Variants in PDLIM5 observed in about 807,000 individuals in gnomAD.
PDLIM5 encodes the protein PDZ and LIM domain 5, also known as PDZ and LIM domain protein 5.
In PDLIM5, 34 loss-of-function variants were observed where a neutral mutation model predicts 64.2. That is an observed-to-expected ratio of 0.53 (90% CI 0.40 to 0.71). The LOEUF is 0.71. Among genes scored for constraint, PDLIM5 ranks in the 30% least tolerant of loss-of-function variants. PDLIM5 has a pLI of 0.00. For synonymous variants in PDLIM5, 253 were observed against 269.1 expected (o/e 0.94, Z 0.59); for missense variants, 683 against 733.6 (o/e 0.93, Z 0.80).
chr4:94,480,890 A>G (rs997103786), intron 2 of PDLIM5, among the ~76,000 whole-genome samples: 1 of 152,218 alleles, frequency 6.6e-6, no homozygotes, highest in African/African-American at 2.4e-5. Context: ...TAGTCCTTTT[A>G]TATTTTAAAC....
At chr4:94,473,526 C>T (rs1023935866) in intron 2 of PDLIM5, among the ~76,000 whole-genome samples, 2 of 152,216 alleles carry the variant, frequency 1.3e-5, no homozygotes, top group Non-Finnish European at 2.9e-5. Context: ...TCCCACAGTG[C>T]TGGGATTACA....
At chr4:94,532,408 C>T (rs1380278321) in intron 3 of PDLIM5, among the ~76,000 whole-genome samples, 1 of 152,146 alleles carries the variant, frequency 6.6e-6, no homozygotes, top group Non-Finnish European at 1.5e-5. Flanking sequence ...CAAAGGCAGC[C>T]GCCTAAGCTT....
chr4:94,461,079 C>T (rs1274027953), intron 2 of PDLIM5, among the ~76,000 whole-genome samples: 1 of 152,174 alleles, frequency 6.6e-6, no homozygotes, highest in Non-Finnish European at 1.5e-5. Flanking sequence ...CCAGTTATAT[C>T]TTTTTCCCCC....
chr4:94,477,782 C>A (rs1387350899), intron 2 of PDLIM5, among the ~76,000 whole-genome samples: 2 of 152,096 alleles, frequency 1.3e-5, no homozygotes, highest in Non-Finnish European at 2.9e-5. Context: ...CCTCCTCCAC[C>A]TCTTTTGCCT....
At position 94,665,740 on chromosome 4, in the gene PDLIM5, T is replaced by A; in HGVS notation, c.*1673T>A. On this transcript the variant is annotated 3_prime_UTR_variant, in exon 13 of 13. Transcript: ENST00000317968. The stretch of plus-strand genomic sequence containing the variant: ...TTAAAAGATTGGTTTGAGGATGTGA[T>A]GAAATTGAGACTTTTTGTGGTTTTC... 1 of 1,219,374 alleles carries A rather than the reference T, an allele frequency of 8.2e-7. No homozygotes were observed. The highest frequency in any genetic ancestry group is 1.0e-6 in the Non-Finnish European group (1 of 978,848). The allele number at this position is 1,219,374 out of a possible 1,614,324, so 75.5% of individuals were successfully genotyped here. A position where few individuals can be genotyped will look rare whatever the true frequency, so the allele number is the denominator to read the frequency against.
At chr4:94,562,397 A>G (rs1204452485) in intron 3 of PDLIM5, among the ~76,000 whole-genome samples, 3 of 152,246 alleles carry the variant, frequency 2.0e-5, no homozygotes, top group African/African-American at 7.2e-5. Context: ...AGATAATGAT[A>G]CAAAATGTAT....
intron 3 of PDLIM5, among the ~76,000 whole-genome samples, chr4:94,528,560 G>C (rs568009641): frequency 3.9e-5 from 6 of 152,086 alleles, no homozygotes; most frequent in African/African-American, 1.4e-4. Flanking sequence ...GTCTGTTTTT[G>C]ATAGGCACCA....
intron 3 of PDLIM5, among the ~76,000 whole-genome samples, chr4:94,525,876 A>T (rs1323115569): frequency 6.6e-6 from 1 of 152,224 alleles, no homozygotes; most frequent in Non-Finnish European, 1.5e-5. Context: ...GTAATTGGTT[A>T]TAAAAAAATT....
At chr4:94,599,110 T>TAG (rs776684869) in intron 7 of PDLIM5, among the ~76,000 whole-genome samples, 100 of 152,262 alleles carry the variant, frequency 6.6e-4, no homozygotes, top group Admixed American at 1.9e-3. Flanking sequence ...AGGCCCAATA[T>TAG]AGGACTGTAG....
intron 2 of PDLIM5, among the ~76,000 whole-genome samples, chr4:94,505,603 G>A (rs995680920): frequency 6.6e-6 from 1 of 152,134 alleles, no homozygotes; most frequent in Non-Finnish European, 1.5e-5. Flanking sequence ...ATAAATTGCT[G>A]GGTCCCATGA....
intron 2 of PDLIM5, among the ~76,000 whole-genome samples, chr4:94,492,328 T>G (rs909374365): frequency 1.3e-5 from 2 of 151,998 alleles, no homozygotes; most frequent in African/African-American, 4.8e-5. Flanking sequence ...TCTCTCTTTC[T>G]GATTGGAATG....
At chr4:94,454,302 T>C (rs567699859) in intron 1 of PDLIM5, among the ~76,000 whole-genome samples, 81 of 151,216 alleles carry the variant, frequency 5.4e-4, no homozygotes, top group African/African-American at 1.9e-3. Context: ...CCTGCCGTTA[T>C]AACAACCAAT....
At chr4:94,461,120 A>ATGATTTAG (rs1723839894) in intron 2 of PDLIM5, among the ~76,000 whole-genome samples, 1 of 152,220 alleles carries the variant, frequency 6.6e-6, no homozygotes, top group Admixed American at 6.5e-5. Context: ...CAAATCAGTT[A>ATGATTTAG]TGATTTAGTT....
intron 3 of PDLIM5, among the ~76,000 whole-genome samples, chr4:94,543,452 TAATATC>T (rs1411198547): frequency 1.3e-5 from 2 of 152,190 alleles, no homozygotes; most frequent in African/African-American, 2.4e-5. Context: ...TGTGAGCACT[TAATATC>T]TATTCTCTCA....
chr4:94,634,436 C>G (rs1740397174), intron 8 of PDLIM5, among the ~76,000 whole-genome samples: 1 of 152,200 alleles, frequency 6.6e-6, no homozygotes, highest in African/African-American at 2.4e-5. Context: ...TAAGAGTAAG[C>G]TGCCTTAGAA....
rs369638467 is a variant in PDLIM5 at position 94,586,093 on chromosome 4, C to G, written c.884-315C>G. ...CCTGAGGCAGGAGAATCATTTGAAC[C>G]GGGGAGGCAGAGATTGCAGTGAGCT... On this transcript the variant is annotated intron_variant, in intron 6 of 12. Coordinates refer to ENST00000317968, the MANE Select transcript of PDLIM5 (RefSeq NM_006457.5). 4.9e-4 allele frequency among the ~76,000 whole-genome samples: 75 copies of G among 152,130 alleles called. No homozygotes were observed. In the East Asian group the frequency reaches 0.012, roughly 24 times the overall value.
At chr4:94,549,963 G>A (rs1479938990) in intron 3 of PDLIM5, 2 of 151,966 alleles carry the variant, frequency 1.3e-5, no homozygotes, top group Admixed American at 6.6e-5. Context: ...ATAAAATGAC[G>A]ATACCAGTAC....
At chr4:94,644,591 T>TCTCGGCTCACTGCAAC (rs1381754843) in intron 9 of PDLIM5, among the ~76,000 whole-genome samples, 1 of 151,692 alleles carries the variant, frequency 6.6e-6, no homozygotes, top group Admixed American at 6.6e-5. Flanking sequence ...AGTGGTGCGA[T>TCTCGGCTCACTGCAAC]CTCGGCTCAC....
At chr4:94,582,464 G>A (rs920219920) in intron 5 of PDLIM5, 21 of 382,676 alleles carry the variant, frequency 5.5e-5, no homozygotes, top group Admixed American at 1.8e-4. Context: ...GAACAAAACT[G>A]TTGTCTTGAT....
Sources: allele counts gnomAD v4.1 joint callset (sites outside exome capture counted in the v4.1 genomes callset), GRCh38; gene constraint gnomAD v4.1.1; transcripts MANE v1.5; gene names NCBI Gene and HGNC (gene_info 2026-07-23, HGNC 2026-07-21).